Variants in PPIL4 observed in about 807,000 individuals in gnomAD.
The protein encoded by PPIL4 is peptidylprolyl isomerase like 4, also known as peptidyl-prolyl cis-trans isomerase-like 4.
A neutral mutation model predicts 69.1 loss-of-function variants in PPIL4; 50 were observed. The observed-to-expected ratio is 0.72, with a 90% CI of 0.58 to 0.92. PPIL4 has a LOEUF of 0.92. PPIL4 is among the 40% of genes least tolerant of loss of function. The pLI is 0.00. For missense variants in PPIL4, 480 were observed against 587.9 expected (o/e 0.82, Z 1.90); for synonymous variants, 193 against 191.6 (o/e 1.01, Z -0.06).
intron 11 of PPIL4, among the ~76,000 whole-genome samples, chr6:149,512,743 C>A (rs965998906): frequency 6.6e-6 from 1 of 151,884 alleles, no homozygotes; most frequent in Non-Finnish European, 1.5e-5. Context: ...TGTTTAAATT[C>A]TTCTTATTAT....
At chr6:149,542,666 T>G (rs1777381467) in intron 1 of PPIL4, among the ~76,000 whole-genome samples, 1 of 152,202 alleles carries the variant, frequency 6.6e-6, no homozygotes, top group African/African-American at 2.4e-5. Context: ...AAAGTAGTTT[T>G]AAAAATTCCA....
At chr6:149,519,922 A>G (rs971026787) in intron 10 of PPIL4, among the ~76,000 whole-genome samples, 1 of 152,214 alleles carries the variant, frequency 6.6e-6, no homozygotes, top group African/African-American at 2.4e-5. Flanking sequence ...TCAAAAACCA[A>G]AAACTCGTAT....
chr6:149,519,929 G>A (rs527671329), intron 10 of PPIL4, among the ~76,000 whole-genome samples: 12 of 152,186 alleles, frequency 7.9e-5, no homozygotes, highest in Admixed American at 2.0e-4. Flanking sequence ...CCAAAAACTC[G>A]TATTATTTCA....
At chr6:149,524,884 G>C (rs148675965) in intron 9 of PPIL4, among the ~76,000 whole-genome samples, 1,602 of 151,832 alleles carry the variant, frequency 0.011, 30 homozygotes, top group African/African-American at 0.037. Context: ...CTGGGCAACA[G>C]AGTGAGACCC....
intron 7 of PPIL4, among the ~76,000 whole-genome samples, chr6:149,529,044 C>T (rs1390394228): frequency 6.6e-6 from 1 of 151,828 alleles, no homozygotes; most frequent in Non-Finnish European, 1.5e-5. Context: ...GCCTGAGCAA[C>T]ATGGGTAAGA....
chr6:149,529,384 G>C lies in PPIL4; in HGVS notation c.679-2608C>G, dbSNP rs559227031. ...GAGGTAGGAGGATTACTTGAGCCCTGGAGGTCGGGGTGCAGTGAGCCATTA... is the reference window on the plus strand; with the variant it reads ...GAGGTAGGAGGATTACTTGAGCCCTCGAGGTCGGGGTGCAGTGAGCCATTA... On this transcript the variant is annotated intron_variant, in intron 7 of 12. Coordinates refer to ENST00000253329, the MANE Select transcript of PPIL4 (RefSeq NM_139126.4). Among the ~76,000 whole-genome samples, 406 of 152,018 alleles carry C rather than the reference G, an allele frequency of 2.7e-3. 1 individual carries two copies. Among genetic ancestry groups the C allele is most frequent in the Non-Finnish European group, 4.8e-3 (328 of 67,992 alleles).
intron 11 of PPIL4, 161 bp downstream of exon 11, chr6:149,517,193 G>A: frequency 1.7e-6 from 1 of 580,086 alleles, no homozygotes; most frequent in South Asian, 2.2e-5. Context: ...GTAAGATCTT[G>A]AAAAGAGATA....
chr6:149,539,485 C>T (rs1583212939), intron 4 of PPIL4, among the ~76,000 whole-genome samples: 2 of 152,132 alleles, frequency 1.3e-5, no homozygotes, highest in East Asian at 3.8e-4. Flanking sequence ...TCTAGTGATC[C>T]TCCCACCTCA....
intron 3 of PPIL4, 52 bp downstream of exon 3, chr6:149,541,315 A>G (rs1777357061): frequency 2.5e-6 from 2 of 815,422 alleles, no homozygotes; most frequent in Non-Finnish European, 3.4e-6. Flanking sequence ...CAGAGGTTAA[A>G]AGTAAATAAA....
intron 4 of PPIL4, among the ~76,000 whole-genome samples, chr6:149,540,293 C>T (rs1777340172): frequency 6.6e-6 from 1 of 152,026 alleles, no homozygotes; most frequent in Non-Finnish European, 1.5e-5. Flanking sequence ...ATAGAAGGTA[C>T]TCTGCGTAAT....
chr6:149,523,509 C>A (rs1777061777), intron 9 of PPIL4, among the ~76,000 whole-genome samples: 2 of 151,836 alleles, frequency 1.3e-5, no homozygotes. Context: ...TGGCCAACAT[C>A]ATAAAACCCT....
intron 12 of PPIL4, among the ~76,000 whole-genome samples, chr6:149,508,907 C>T (rs778436910): frequency 8.6e-5 from 13 of 151,682 alleles, no homozygotes; most frequent in Non-Finnish European, 1.5e-4. Flanking sequence ...AGCAAAACAC[C>T]GACAAACAGG....
At chr6:149,514,663 G>A (rs1252645842) in intron 11 of PPIL4, among the ~76,000 whole-genome samples, 2 of 150,970 alleles carry the variant, frequency 1.3e-5, no homozygotes, top group Admixed American at 1.3e-4. Flanking sequence ...ATCCATCAAT[G>A]GGGTATAAAA....
intron 4 of PPIL4, among the ~76,000 whole-genome samples, chr6:149,539,196 C>T (rs1405067649): frequency 2.0e-5 from 3 of 152,276 alleles, no homozygotes; most frequent in Admixed American, 6.5e-5. Flanking sequence ...GCTATGATAA[C>T]TGTTGAAATG....
intron 1 of PPIL4, 69 bp from the exon 2 acceptor site, chr6:149,541,655 A>G (rs1025149758): frequency 3.4e-6 from 3 of 877,820 alleles, no homozygotes; most frequent in Non-Finnish European, 5.6e-6. Context: ...GTAAAGCCAC[A>G]GTAAAATGTA....
intron 1 of PPIL4, 67 bp from the exon 2 acceptor site, chr6:149,541,653 A>C: frequency 1.1e-6 from 1 of 894,568 alleles, no homozygotes. Context: ...AAGTAAAGCC[A>C]CAGTAAAATG....
chr6:149,541,746 AC>A (rs2115041316), intron 1 of PPIL4, among the ~76,000 whole-genome samples, 160 bp from the exon 2 acceptor site: 1 of 152,346 alleles, frequency 6.6e-6, no homozygotes, highest in South Asian at 2.1e-4. Context: ...GCGCTGGCTC[AC>A]ACCTGTAATC....
In PPIL4 at chr6:149,541,314, A is replaced by AAAAT. The variant is rs1401560067; in HGVS notation, c.203+52_203+53insATTT. 2.6e-5 allele frequency: 20 copies of AAAAT among 760,718 alleles called. No individual in the cohort carries two copies. In the African/African-American group the frequency reaches 3.3e-4, roughly 12 times the overall value. 47.1% of individuals were successfully genotyped at this position (760,718 alleles called of 1,614,324 possible). On this transcript the variant is annotated intron_variant, in intron 3 of 12. Coordinates refer to ENST00000253329, the MANE Select transcript of PPIL4 (RefSeq NM_139126.4). The stretch of plus-strand genomic sequence containing the variant: ...ATTTGTTCTGCCCTTCCAGAGGTTA[A>AAAAT]AAGTAAATAAATAAATAAATAAATA...
chr6:149,539,553 T>C (rs1419225706), intron 4 of PPIL4, among the ~76,000 whole-genome samples: 1 of 152,156 alleles, frequency 6.6e-6, no homozygotes, highest in Non-Finnish European at 1.5e-5. Context: ...AATTTTTGTA[T>C]TTTTTTGTGG....
Sources: allele counts gnomAD v4.1 joint callset (sites outside exome capture counted in the v4.1 genomes callset), GRCh38; gene constraint gnomAD v4.1.1; transcripts MANE v1.5; gene names NCBI Gene and HGNC (gene_info 2026-07-23, HGNC 2026-07-21).